The following EPB41L5 variants were observed in gnomAD, a reference collection of about 807,000 sequenced individuals.
EPB41L5 encodes erythrocyte membrane protein band 4.1 like 5.
A neutral mutation model predicts 106.6 loss-of-function variants in EPB41L5; 55 were observed. That is an observed-to-expected ratio of 0.52 (90% CI 0.42 to 0.65). EPB41L5 has a LOEUF of 0.65. EPB41L5 is among the 30% of genes least tolerant of loss of function. The pLI, the probability that EPB41L5 is intolerant of heterozygous loss-of-function variation, is 0.00. For synonymous variants in EPB41L5, 297 were observed against 306.7 expected (o/e 0.97, Z 0.33); for missense variants, 871 against 882.1 (o/e 0.99, Z 0.16).
Position 120,073,244 on chromosome 2 carries a change from T to G in EPB41L5, c.328+24T>G. 1.9e-6 allele frequency: 3 copies of G among 1,562,292 alleles called. No individual in the cohort carries two copies. In the South Asian group the frequency reaches 3.4e-5, roughly 18 times the overall value. ...AAGTAAGTGCAGACAAAATTATTTG[T>G]GGGGGGGAAAGGAAATAGAATATAT... On this transcript the variant is annotated intron_variant, in intron 4 of 24. Coordinates refer to ENST00000263713, the MANE Select transcript of EPB41L5 (RefSeq NM_020909.4).
chr2:120,163,219 C>T (rs1462353907), intron 21 of EPB41L5, among the ~76,000 whole-genome samples: 1 of 150,312 alleles, frequency 6.7e-6, no homozygotes, highest in Non-Finnish European at 1.5e-5. Context: ...TGTACCATTA[C>T]ACTCCAGCCT....
intron 14 of EPB41L5, among the ~76,000 whole-genome samples, chr2:120,098,849 G>A (rs1683944139): frequency 6.6e-6 from 1 of 152,242 alleles, no homozygotes; most frequent in Non-Finnish European, 1.5e-5. Context: ...CTCTCACCTT[G>A]TTAGAAAGGC....
At chr2:120,166,501 G>A (rs1362635223) in intron 22 of EPB41L5, among the ~76,000 whole-genome samples, 3 of 151,160 alleles carry the variant, frequency 2.0e-5, no homozygotes, top group Non-Finnish European at 4.4e-5. Flanking sequence ...TTTGCCAGGA[G>A]TAGCGTGATC....
At chr2:120,105,419 T>C (rs1370732802) in intron 16 of EPB41L5, 4 of 984,744 alleles carry the variant, frequency 4.1e-6, no homozygotes, top group African/African-American at 1.7e-5. Flanking sequence ...CCTGCTCACA[T>C]AGAGGTTGGT....
intron 20 of EPB41L5, among the ~76,000 whole-genome samples, chr2:120,151,481 G>A (rs1433419240): frequency 6.6e-6 from 1 of 151,906 alleles, no homozygotes; most frequent in Non-Finnish European, 1.5e-5. Flanking sequence ...TAAAAACCTA[G>A]GAAACAATTT....
Position 120,077,304 on chromosome 2 carries a change from G to A in EPB41L5, c.702G>A (p.Met234Ile). ...AKWLEMYGVD[M>I]HVVKARDGND... ...GGCTAGAAATGTATGGGGTTGATATGCATGTGGTCAAGGTAAGCATTGTGT... is the reference window on the plus strand; with the variant it reads ...GGCTAGAAATGTATGGGGTTGATATACATGTGGTCAAGGTAAGCATTGTGT... Residue 234 changes from methionine (M) to isoleucine (I), a missense_variant, in exon 9 of 25, where the codon ATG becomes ATA. Transcript: ENST00000263713. 2 of 1,611,396 alleles carry A rather than the reference G, an allele frequency of 1.2e-6. No individual in the cohort carries two copies. Among genetic ancestry groups the A allele is most frequent in the Non-Finnish European group, 1.7e-6 (2 of 1,178,306 alleles).
intron 24 of EPB41L5, among the ~76,000 whole-genome samples, chr2:120,168,228 C>T (rs977867091): frequency 1.3e-5 from 2 of 152,104 alleles, no homozygotes; most frequent in African/African-American, 4.8e-5. Flanking sequence ...CAAGTCTTTG[C>T]TAAAGATGTT....
In EPB41L5 at chr2:120,090,527, A is replaced by G; in HGVS notation, c.1043+11A>G. On this transcript the variant is annotated intron_variant, in intron 12 of 24. Coordinates refer to ENST00000263713, the MANE Select transcript of EPB41L5 (RefSeq NM_020909.4). Reference sequence around the variant, plus strand: ...ACGATTTAGATATAGGTTAATTTTAATTGCTGTTTTATCTGTCTTTCATTG... The same window carrying G: ...ACGATTTAGATATAGGTTAATTTTAGTTGCTGTTTTATCTGTCTTTCATTG... 1.2e-6 allele frequency: 2 copies of G among 1,604,660 alleles called. No individual in the cohort carries two copies. The highest frequency in any genetic ancestry group is 1.7e-6 in the Non-Finnish European group (2 of 1,176,436).
intron 17 of EPB41L5, among the ~76,000 whole-genome samples, chr2:120,130,170 A>G (rs548896699): frequency 3.7e-4 from 56 of 150,732 alleles, no homozygotes; most frequent in Admixed American, 1.3e-3. Context: ...AAGGGTTCCT[A>G]AGAGTTAGTG....
rs1339286686 is a variant in EPB41L5, at chr2:120,119,096, GA to G, written c.1338-8591del. 3.3e-5 allele frequency among the ~76,000 whole-genome samples: 5 copies of G among 152,184 alleles called. No individual in the cohort carries two copies. The South Asian group carries it at 6.2e-4, about 19-fold the overall frequency. ...TTTCTCTAATGATCAGTGATGTTGA[GA>G]TTTTTTTTTTATGTTTGTTGGCCGC... On this transcript the variant is annotated intron_variant, in intron 16 of 24. Coordinates refer to ENST00000263713, the MANE Select transcript of EPB41L5 (RefSeq NM_020909.4).
At chr2:120,117,243 C>T in intron 16 of EPB41L5, among the ~76,000 whole-genome samples, 1 of 152,128 alleles carries the variant, frequency 6.6e-6, no homozygotes, top group Non-Finnish European at 1.5e-5. Context: ...TCCCTTCTTC[C>T]CTGCGAGAAA....
chr2:120,053,189 A>G (rs1411457976), intron 3 of EPB41L5, among the ~76,000 whole-genome samples: 2 of 152,226 alleles, frequency 1.3e-5, no homozygotes, highest in African/African-American at 4.8e-5. Context: ...TGGAACGTAA[A>G]GCACTCCTTT....
intron 2 of EPB41L5, among the ~76,000 whole-genome samples, chr2:120,035,105 A>G (rs1436388027): frequency 6.6e-6 from 1 of 152,202 alleles, no homozygotes; most frequent in Admixed American, 6.5e-5. Context: ...AGGTAATTAC[A>G]TAGTTATGTC....
chr2:120,042,090 A>T lies in EPB41L5; in HGVS notation c.265A>T (p.Met89Leu). The T allele has an allele frequency of 6.2e-7, 1 of 1,613,494 alleles. No homozygotes were observed. The highest frequency in any genetic ancestry group is 1.1e-5 in the South Asian group (1 of 91,050). The change falls in exon 3 of 25, where the codon ATG (methionine) becomes TTG (leucine). Residue 89 changes from methionine (M) to leucine (L), a missense_variant. By Grantham distance (15) the Met-to-Leu change is conservative (BLOSUM62 2). Transcript: ENST00000263713. ...AAGCGACTATTTTGGTCTGAGATTT[A>T]TGGATTCAGCACAAGTAGCAGTGAG... ...IESDYFGLRF[M>L]DSAQVAHWLD... is the part of the protein sequence containing the mutation.
At chr2:120,111,111 C>T (rs912188384) in intron 16 of EPB41L5, among the ~76,000 whole-genome samples, 2 of 152,096 alleles carry the variant, frequency 1.3e-5, no homozygotes, top group African/African-American at 2.4e-5. Context: ...GGATCTGACC[C>T]GAGATCCCAT....
intron 22 of EPB41L5, among the ~76,000 whole-genome samples, chr2:120,166,531 G>T (rs776301991): frequency 1.3e-5 from 2 of 151,062 alleles, no homozygotes; most frequent in Admixed American, 6.6e-5. Flanking sequence ...TGCAACCTCC[G>T]CCTCCAAGCG....
chr2:120,098,441 A>G (rs935115692), intron 14 of EPB41L5, among the ~76,000 whole-genome samples: 4 of 151,938 alleles, frequency 2.6e-5, no homozygotes, highest in African/African-American at 9.7e-5. Flanking sequence ...TCAAAGTCCT[A>G]GGCTCAGGCA....
chr2:120,113,973 A>G (rs964344643), intron 16 of EPB41L5, among the ~76,000 whole-genome samples: 5 of 152,202 alleles, frequency 3.3e-5, no homozygotes, highest in Non-Finnish European at 7.4e-5. Context: ...TAGGTTTTGT[A>G]TGAACATGTG....
intron 1 of EPB41L5, chr2:120,013,472 C>T (rs1349178428): frequency 6.6e-6 from 1 of 152,182 alleles, no homozygotes; most frequent in African/African-American, 2.4e-5. Flanking sequence ...GGCGGAGGGC[C>T]CGGGGCAGCC....
Sources: gnomAD v4.1 joint callset for allele counts (sites outside exome capture counted in the v4.1 genomes callset) on GRCh38, gnomAD v4.1.1 for gene constraint, MANE v1.5 for transcripts, NCBI Gene and HGNC (gene_info 2026-07-23, HGNC 2026-07-21) for gene names.